XPNPEP3: variants seen among roughly 807,000 people sequenced by gnomAD.
XPNPEP3 encodes the protein xaa-Pro aminopeptidase 3.
In XPNPEP3, 41 loss-of-function variants were observed where a neutral mutation model predicts 60.0. The observed-to-expected ratio is 0.68, with a 90% CI of 0.53 to 0.89. The LOEUF (loss-of-function observed/expected upper bound fraction) is 0.89. XPNPEP3 is among the 40% of genes least tolerant of loss of function. XPNPEP3 has a pLI of 0.00. For missense variants in XPNPEP3, 598 were observed against 638.9 expected (o/e 0.94, Z 0.69); for synonymous variants, 212 against 223.2 (o/e 0.95, Z 0.45).
At chr22:40,901,642 T>G (rs2058133621) in intron 4 of XPNPEP3, among the ~76,000 whole-genome samples, 1 of 152,168 alleles carries the variant, frequency 6.6e-6, no homozygotes, top group Non-Finnish European at 1.5e-5. Flanking sequence ...GCCTGGCTAA[T>G]TTTTGTATTT....
chr22:40,893,042 A>G (rs2146258963), intron 4 of XPNPEP3, among the ~76,000 whole-genome samples: 1 of 150,086 alleles, frequency 6.7e-6, no homozygotes, highest in East Asian at 1.9e-4. Context: ...TTATCCATTG[A>G]TTTTCAAATT....
intron 1 of XPNPEP3, among the ~76,000 whole-genome samples, chr22:40,868,428 C>CGTGTGTGTGTGTGT (rs35513572): frequency 6.9e-6 from 1 of 144,676 alleles, no homozygotes; most frequent in Non-Finnish European, 1.5e-5. Flanking sequence ...TATATGTGTG[C>CGTGTGTGTGTGTGT]GTGTGTGTGT....
At chr22:40,869,736 A>G (rs1485906983) in intron 2 of XPNPEP3, among the ~76,000 whole-genome samples, 1 of 152,170 alleles carries the variant, frequency 6.6e-6, no homozygotes, top group Non-Finnish European at 1.5e-5. Context: ...TCTTATAACT[A>G]TTGCTCAAAT....
chr22:40,890,853 G>C (rs1209918164), intron 4 of XPNPEP3, among the ~76,000 whole-genome samples: 2 of 152,146 alleles, frequency 1.3e-5, no homozygotes, highest in East Asian at 3.9e-4. Context: ...GGGTGACAGA[G>C]TGAGACCCTG....
intron 1 of XPNPEP3, chr22:40,860,838 A>G (rs916849241): frequency 1.6e-6 from 1 of 642,678 alleles, no homozygotes; most frequent in Middle Eastern, 3.3e-4. Context: ...TTTTGTAGAG[A>G]AAAGATCTCA....
chr22:40,868,928 A>G (rs2057992248), intron 1 of XPNPEP3, 71 bp from the exon 2 acceptor site: 2 of 1,188,466 alleles, frequency 1.7e-6, no homozygotes, highest in Non-Finnish European at 2.5e-6. Flanking sequence ...ACTGCTAGAG[A>G]TAAGTGTATT....
intron 4 of XPNPEP3, among the ~76,000 whole-genome samples, chr22:40,902,973 A>G (rs34710289): frequency 0.034 from 5,122 of 152,202 alleles, 124 homozygotes; most frequent in Non-Finnish European, 0.055. Flanking sequence ...CTAAAATGGA[A>G]TCTCACTTAG....
chr22:40,921,977 CTTT>C (rs931884267), intron 7 of XPNPEP3, among the ~76,000 whole-genome samples: 2 of 149,724 alleles, frequency 1.3e-5, no homozygotes, highest in African/African-American at 4.9e-5. Flanking sequence ...GCTTTCTTGC[CTTT>C]TTTTTTAATG....
intron 3 of XPNPEP3, among the ~76,000 whole-genome samples, chr22:40,884,402 T>C (rs1208415143): frequency 6.6e-6 from 1 of 151,520 alleles, no homozygotes; most frequent in Non-Finnish European, 1.5e-5. Flanking sequence ...CCATCTCGGC[T>C]CACTGCAACT....
At chr22:40,894,152 T>C (rs190794118) in intron 4 of XPNPEP3, among the ~76,000 whole-genome samples, 2 of 152,260 alleles carry the variant, frequency 1.3e-5, no homozygotes, top group Non-Finnish European at 2.9e-5. Context: ...ATCATTTCTG[T>C]GAGTAGCCAC....
chr22:40,893,052 T>G (rs916110265), intron 4 of XPNPEP3, among the ~76,000 whole-genome samples: 4 of 149,686 alleles, frequency 2.7e-5, no homozygotes, highest in African/African-American at 9.8e-5. Context: ...ATTTTCAAAT[T>G]TAACTGGCTA....
rs541492777 is a variant in XPNPEP3 at position 40,858,420 on chromosome 22, T to C, written c.64+1175T>C. 9.2e-5 allele frequency among the ~76,000 whole-genome samples: 14 copies of C among 151,576 alleles called. No homozygotes were observed. The South Asian group carries it at 2.7e-3, about 29-fold the overall frequency. On this transcript the variant is annotated intron_variant, in intron 1 of 9. Transcript: ENST00000357137. ...TTTGAAAGGCTCTCCCCAGCCTGAC[T>C]AAAGGAGCCATACTACCAGAAGGAA... is the stretch of plus-strand genomic sequence containing the variant.
intron 7 of XPNPEP3, among the ~76,000 whole-genome samples, chr22:40,919,191 T>C (rs1424841391): frequency 6.6e-6 from 1 of 152,122 alleles, no homozygotes; most frequent in Non-Finnish European, 1.5e-5. Flanking sequence ...GACTTAACTG[T>C]AGATTGGAGA....
chr22:40,859,779 T>G (rs1240267557), intron 1 of XPNPEP3: 4 of 152,240 alleles, frequency 2.6e-5, no homozygotes, highest in Admixed American at 2.0e-4. Flanking sequence ...TTGAATAAGT[T>G]TTAGTGCTGC....
At chr22:40,893,089 ATTTAG>A (rs2058094344) in intron 4 of XPNPEP3, among the ~76,000 whole-genome samples, 2 of 147,224 alleles carry the variant, frequency 1.4e-5, no homozygotes, top group South Asian at 2.1e-4. Flanking sequence ...TATATTATAT[ATTTAG>A]TTTATATATA....
intron 4 of XPNPEP3, among the ~76,000 whole-genome samples, chr22:40,901,065 G>A (rs1424455776): frequency 2.6e-5 from 4 of 151,744 alleles, no homozygotes; most frequent in South Asian, 2.1e-4. Flanking sequence ...GAGCAGCCTG[G>A]GCAACATAGT....
Position 40,932,455 on chromosome 22 carries a change from T to A in XPNPEP3, c.*6020T>A, listed in dbSNP as rs1192063121. 2.0e-5 allele frequency: 3 copies of A among 152,126 alleles called. No homozygotes were observed. The highest frequency in any genetic ancestry group is 4.4e-5 in the Non-Finnish European group (3 of 68,042). The allele number at this position is 152,126 out of a possible 1,614,324, so 9.4% of individuals were successfully genotyped here. A position where few individuals can be genotyped will look rare whatever the true frequency, so the allele number is the denominator to read the frequency against. ...TGCTCCTAATGAAAAGATGAATGAA[T>A]GCATCATTAAACCTTAACAGTAGAG... On this transcript the variant is annotated 3_prime_UTR_variant, in exon 10 of 10. Coordinates refer to ENST00000357137, the MANE Select transcript of XPNPEP3 (RefSeq NM_022098.4).
intron 1 of XPNPEP3, among the ~76,000 whole-genome samples, chr22:40,866,418 G>A (rs530730258): frequency 2.6e-5 from 4 of 152,140 alleles, no homozygotes; most frequent in Admixed American, 2.6e-4. Flanking sequence ...AGTCTCTTGC[G>A]TAAGTGATGT....
At chr22:40,904,938 G>A (rs2058148797) in intron 4 of XPNPEP3, among the ~76,000 whole-genome samples, 1 of 151,862 alleles carries the variant, frequency 6.6e-6, no homozygotes, top group Non-Finnish European at 1.5e-5. Context: ...CAAATTTTTT[G>A]TATTTTTAGT....
Sources: gnomAD v4.1 joint callset for allele counts (sites outside exome capture counted in the v4.1 genomes callset) on GRCh38, gnomAD v4.1.1 for gene constraint, MANE v1.5 for transcripts, NCBI Gene and HGNC (gene_info 2026-07-23, HGNC 2026-07-21) for gene names.